The following PCNT variants were observed in gnomAD, a reference collection of about 807,000 sequenced individuals.
PCNT encodes the protein pericentrin, also known as kendrin.
A neutral mutation model predicts 380.4 loss-of-function variants in PCNT; 319 were observed. The observed-to-expected ratio is 0.84, with a 90% CI of 0.77 to 0.92. PCNT has a LOEUF of 0.92. Ranked by LOEUF, PCNT falls within the 40% of genes least tolerant of loss-of-function variation. PCNT has a pLI of 0.00. For missense variants in PCNT, 4,400 were observed against 4,255.3 expected (o/e 1.03, Z -0.95); for synonymous variants, 1,845 against 1,735.2 (o/e 1.06, Z -1.57).
chr21:46,444,839 C>A lies in PCNT; in HGVS notation c.9967+18C>A. 1 of 1,611,000 alleles carries A rather than the reference C, an allele frequency of 6.2e-7. No individual in the cohort carries two copies. Among genetic ancestry groups the A allele is most frequent in the Non-Finnish European group, 8.5e-7 (1 of 1,177,342 alleles). On this transcript the variant is annotated intron_variant, in intron 46 of 46. Transcript: ENST00000359568. ...ACTACCAGGTAATGCAAGTCCTCGCCGAGTATTTATTAAGCTGATTATCAC... is the reference window on the plus strand; with the variant it reads ...ACTACCAGGTAATGCAAGTCCTCGCAGAGTATTTATTAAGCTGATTATCAC...
At chr21:46,324,973 C>T (rs1402426784) in intron 1 of PCNT, 3 of 898,208 alleles carry the variant, frequency 3.3e-6, no homozygotes, top group Non-Finnish European at 3.8e-6. Context: ...GCGTCCTGCC[C>T]GTCCGGGCCT....
At chr21:46,337,223 C>A (rs143583668) in intron 3 of PCNT, among the ~76,000 whole-genome samples, 1 of 152,116 alleles carries the variant, frequency 6.6e-6, no homozygotes, top group Non-Finnish European at 1.5e-5. Flanking sequence ...ATGATCCACC[C>A]GCCTCAACCC....
intron 2 of PCNT, among the ~76,000 whole-genome samples, chr21:46,328,291 G>T (rs1489228472): frequency 6.8e-6 from 1 of 148,010 alleles, no homozygotes; most frequent in Admixed American, 6.8e-5. Context: ...TTAAGATACA[G>T]TCTCTCTGTT....
chr21:46,396,942 C>T (rs1055695751), intron 21 of PCNT, among the ~76,000 whole-genome samples: 1 of 152,116 alleles, frequency 6.6e-6, no homozygotes, highest in Non-Finnish European at 1.5e-5. Flanking sequence ...GTTTGCCTTT[C>T]CCCTAGACAC....
At chr21:46,444,960 A>G in intron 46 of PCNT, 139 bp downstream of exon 46, 1 of 812,152 alleles carries the variant, frequency 1.2e-6, no homozygotes, top group East Asian at 2.6e-5. Flanking sequence ...TAATAGTATT[A>G]GAATAGAGGC....
chr21:46,331,504 G>A (rs946496633), intron 2 of PCNT, among the ~76,000 whole-genome samples: 3 of 152,222 alleles, frequency 2.0e-5, no homozygotes, highest in Admixed American at 2.0e-4. Flanking sequence ...TCTCAGTTCT[G>A]AAAGTTAACT....
chr21:46,432,258 T>G, intron 38 of PCNT, 43 bp downstream of exon 38: 2 of 1,553,754 alleles, frequency 1.3e-6, no homozygotes, highest in South Asian at 2.3e-5. Context: ...CTAAAAACGA[T>G]AAGCAATTGG....
intron 46 of PCNT, 46 bp downstream of exon 46, chr21:46,444,867 T>TA: frequency 6.3e-7 from 1 of 1,588,914 alleles, no homozygotes; most frequent in Non-Finnish European, 8.6e-7. Context: ...ATTATCACTG[T>TA]ACCCTGGAAA....
chr21:46,402,088 G>A (rs1000876038), intron 26 of PCNT, among the ~76,000 whole-genome samples: 1 of 152,050 alleles, frequency 6.6e-6, no homozygotes, highest in African/African-American at 2.4e-5. Context: ...TCCTGACCTC[G>A]GGTGATCTGC....
intron 34 of PCNT, 114 bp downstream of exon 34, chr21:46,427,909 C>A (rs545499374): frequency 1.7e-6 from 2 of 1,179,924 alleles, no homozygotes; most frequent in East Asian, 2.5e-5. Flanking sequence ...TTCTCTCGAC[C>A]GCTGGAATGT....
intron 19 of PCNT, 65 bp downstream of exon 19, chr21:46,389,496 G>A: frequency 2.3e-6 from 3 of 1,326,026 alleles, no homozygotes; most frequent in Admixed American, 1.9e-5. Context: ...GATGCCACAC[G>A]AGCCTGGTGG....
At chr21:46,429,310 C>T (rs867947481) in intron 35 of PCNT, among the ~76,000 whole-genome samples, 2 of 93,354 alleles carry the variant, frequency 2.1e-5, no homozygotes, top group South Asian at 5.7e-4. Context: ...CGGCGCTGTG[C>T]GAGCGCTCGT....
chr21:46,402,313 CTTTT>C lies in PCNT; in HGVS notation c.4963-17_4963-14del, dbSNP rs1569257061. 1 of 1,545,336 alleles carries C rather than the reference CTTTT, an allele frequency of 6.5e-7. No homozygotes were observed. The highest frequency in any genetic ancestry group is 1.7e-5 in the Admixed American group (1 of 59,576). ...TTAGATGACTTTTAATACTTTTCTT[CTTTT>C]GTTTTAATGAAAGGTTTTGGACTTA... On this transcript the variant is annotated splice_polypyrimidine_tract_variant and intron_variant, in intron 26 of 46. Coordinates refer to ENST00000359568, the MANE Select transcript of PCNT (RefSeq NM_006031.6).
chr21:46,327,879 G>A (rs540323625), intron 2 of PCNT, among the ~76,000 whole-genome samples: 6 of 152,322 alleles, frequency 3.9e-5, no homozygotes, highest in Admixed American at 6.5e-5. Flanking sequence ...AGCTGCAGGG[G>A]CACCCCCATG....
intron 10 of PCNT, 37 bp downstream of exon 10, chr21:46,353,363 C>G (rs776346177): frequency 6.5e-7 from 1 of 1,537,216 alleles, no homozygotes; most frequent in South Asian, 1.1e-5. Flanking sequence ...GAGTTTCTGC[C>G]ATACAGGGGC....
rs562517183 is a variant in PCNT at position 46,334,854 on chromosome 21, C to T, written c.639+86C>T. Reference sequence around the variant, plus strand: ...AAATCCAAACCAGTGAGAGGACCTTCCATCTCTGCAGGGCCTCTCTTTAGA... The same window carrying T: ...AAATCCAAACCAGTGAGAGGACCTTTCATCTCTGCAGGGCCTCTCTTTAGA... On this transcript the variant is annotated intron_variant, in intron 3 of 46. Coordinates refer to ENST00000359568, the MANE Select transcript of PCNT (RefSeq NM_006031.6). 3 of 1,595,674 alleles carry T rather than the reference C, an allele frequency of 1.9e-6. No homozygotes were observed. In the South Asian group the frequency reaches 3.3e-5, roughly 18 times the overall value.
At chr21:46,445,242 G>C in intron 46 of PCNT, 42 bp from the exon 47 acceptor site, 1 of 1,391,356 alleles carries the variant, frequency 7.2e-7, no homozygotes, top group South Asian at 1.2e-5. Flanking sequence ...AATCTGTGAA[G>C]CCTTGTAACC....
chr21:46,356,549 C>T (rs1015747346), intron 12 of PCNT, among the ~76,000 whole-genome samples: 2 of 152,146 alleles, frequency 1.3e-5, no homozygotes, highest in Non-Finnish European at 2.9e-5. Flanking sequence ...GGTGCTGGGA[C>T]AGGAACCCTG....
chr21:46,353,739 TGTGTGTGTGTGTGAGA>T lies in PCNT; in HGVS notation c.1680-246_1680-231del, dbSNP rs1404694202. On this transcript the variant is annotated intron_variant, in intron 10 of 46. Transcript: ENST00000359568. ...AGGTGTGTGTGTGTGTGTGTGTGTG[TGTGTGTGTGTGTGAGA>T]GAGACAGAGAGAGAGTCAGTGGCGG... 2.6e-4 allele frequency among the ~76,000 whole-genome samples: 36 copies of T among 138,676 alleles called. No individual in the cohort carries two copies. The South Asian group carries it at 8.0e-3, about 31-fold the overall frequency. 91.0% of individuals were successfully genotyped at this position (138,676 alleles called of 152,430 possible). A position where few individuals can be genotyped will look rare whatever the true frequency, so the allele number is the denominator to read the frequency against.
Sources: gnomAD v4.1 joint callset for allele counts (sites outside exome capture counted in the v4.1 genomes callset) on GRCh38, gnomAD v4.1.1 for gene constraint, MANE v1.5 for transcripts, NCBI Gene and HGNC (gene_info 2026-07-23, HGNC 2026-07-21) for gene names.